HEATR4: variants seen among roughly 807,000 people sequenced by gnomAD.
HEATR4 encodes the protein HEAT repeat containing 4.
In HEATR4, 95 loss-of-function variants were observed where a neutral mutation model predicts 108.8. The observed-to-expected ratio is 0.87, with a 90% confidence interval of 0.74 to 1.04. HEATR4 has a LOEUF of 1.04. Ranked by LOEUF, HEATR4 falls within the 50% of genes least tolerant of loss-of-function variation. The pLI, the probability that HEATR4 is intolerant of heterozygous loss-of-function variation, is 0.00. For synonymous variants in HEATR4, 443 were observed against 459.4 expected (o/e 0.96, Z 0.46); for missense variants, 1,152 against 1,253.8 (o/e 0.92, Z 1.23).
At chr14:73,602,042 G>A in the HEATR4 span, among the ~76,000 whole-genome samples, 2 of 151,916 alleles carry the variant, frequency 1.3e-5, no homozygotes, top group East Asian at 1.9e-4. Context: ...CTGAGTTCAA[G>A]CGATTCTCCT....
chr14:73,496,763 AG>A (rs1886132218), intron 14 of HEATR4, 84 bp from the exon 15 acceptor site: 1 of 771,502 alleles, frequency 1.3e-6, no homozygotes, highest in Non-Finnish European at 2.2e-6. Context: ...ACTTGGAATC[AG>A]GTAAGAATCC....
chr14:73,543,007 T>C lies in HEATR4; in HGVS notation c.-151-12763A>G. Reference sequence around the variant, plus strand: ...GGCACAACTCACCATATTCCACTGTTTGTGGAGCCATTCTTCTTCTTTTTC... The same window carrying C: ...GGCACAACTCACCATATTCCACTGTCTGTGGAGCCATTCTTCTTCTTTTTC... On this transcript the variant is annotated intron_variant, in intron 1 of 17. Coordinates refer to ENST00000553558, the MANE Select transcript of HEATR4 (RefSeq NM_001220484.1). 1.6e-6 allele frequency: 2 copies of C among 1,242,926 alleles called. 1 individual carries two copies. The highest frequency in any genetic ancestry group is 2.1e-6 in the Non-Finnish European group (2 of 935,314). 77.0% of individuals were successfully genotyped at this position (1,242,926 alleles called of 1,614,324 possible).
the HEATR4 span, chr14:73,569,366 G>A: frequency 1.2e-6 from 2 of 1,613,968 alleles, no homozygotes; most frequent in East Asian, 2.2e-5. Flanking sequence ...AGAGTTCGGC[G>A]CAGTTCCTGG....
the HEATR4 span, among the ~76,000 whole-genome samples, chr14:73,614,921 AC>A: frequency 1.3e-5 from 2 of 150,446 alleles, no homozygotes; most frequent in Non-Finnish European, 3.0e-5. Flanking sequence ...ACATGGTGAA[AC>A]CCCGTCTCTA....
At chr14:73,524,309 AAATATAT>A (rs1164353824) in intron 2 of HEATR4, among the ~76,000 whole-genome samples, 25 of 99,738 alleles carry the variant, frequency 2.5e-4, no homozygotes, top group Non-Finnish European at 5.1e-4. Context: ...AAAAAAAAAA[AAATATAT>A]ATATATATAT....
At chr14:73,620,066 G>A in the HEATR4 span, among the ~76,000 whole-genome samples, 2 of 151,752 alleles carry the variant, frequency 1.3e-5, no homozygotes, top group South Asian at 2.1e-4. Context: ...TGCACACCAC[G>A]GCACCCAGCT....
chr14:73,580,561 G>A, the HEATR4 span: 3 of 152,084 alleles, frequency 2.0e-5, no homozygotes, highest in Non-Finnish European at 4.4e-5. Flanking sequence ...AGAGAGTTTG[G>A]AGTGCAGAAG....
chr14:73,612,829 C>T, the HEATR4 span: 1 of 1,424,914 alleles, frequency 7.0e-7, no homozygotes, highest in Non-Finnish European at 9.3e-7. Context: ...CGTTGGAGCC[C>T]GAGAAAGCCT....
At chr14:73,624,020 C>T in the HEATR4 span, among the ~76,000 whole-genome samples, 3 of 152,102 alleles carry the variant, frequency 2.0e-5, no homozygotes, top group African/African-American at 7.2e-5. Flanking sequence ...GGGCCAGTGG[C>T]TCATGCCTGT....
At chr14:73,599,301 T>G in the HEATR4 span, among the ~76,000 whole-genome samples, 2 of 152,172 alleles carry the variant, frequency 1.3e-5, no homozygotes, top group Non-Finnish European at 2.9e-5. Context: ...ATTGTTTTTG[T>G]TTTATGTGAC....
the HEATR4 span, among the ~76,000 whole-genome samples, chr14:73,597,478 G>A: frequency 2.6e-5 from 4 of 151,880 alleles, no homozygotes; most frequent in Non-Finnish European, 4.4e-5. Context: ...TCTGTCTCCC[G>A]GGTTCAAGTG....
the HEATR4 span, among the ~76,000 whole-genome samples, chr14:73,621,761 C>CTTTTTTTTTT: frequency 1.6e-4 from 18 of 109,540 alleles, no homozygotes; most frequent in African/African-American, 5.9e-4. Flanking sequence ...TTCTTTCTTT[C>CTTTTTTTTTT]TTTTTTTTTT....
At chr14:73,503,230 A>G (rs1302198315) in intron 10 of HEATR4, among the ~76,000 whole-genome samples, 1 of 152,188 alleles carries the variant, frequency 6.6e-6, no homozygotes, top group Non-Finnish European at 1.5e-5. Context: ...AGCTTGTCCA[A>G]GGTTAACCTG....
At chr14:73,574,067 C>T in the HEATR4 span, among the ~76,000 whole-genome samples, 29 of 151,096 alleles carry the variant, frequency 1.9e-4, no homozygotes, top group African/African-American at 6.1e-4. Context: ...GATGGGGTTT[C>T]GCCATGTTGG....
At chr14:73,580,170 A>AGGC in the HEATR4 span, among the ~76,000 whole-genome samples, 1 of 152,082 alleles carries the variant, frequency 6.6e-6, no homozygotes. Context: ...GGCTCTGGCC[A>AGGC]GGCTGGAGTG....
intron 12 of HEATR4, 81 bp from the exon 13 acceptor site, chr14:73,499,221 C>T: frequency 8.3e-7 from 1 of 1,203,468 alleles, no homozygotes; most frequent in Non-Finnish European, 1.2e-6. Flanking sequence ...TGGTGCACCC[C>T]TGTAATCCCA....
At position 73,532,848 on chromosome 14, in the gene HEATR4, T is replaced by G. The variant is rs1258302505; in HGVS notation, c.-151-2604A>C. On this transcript the variant is annotated intron_variant, in intron 1 of 17. Coordinates refer to ENST00000553558, the MANE Select transcript of HEATR4 (RefSeq NM_001220484.1). ...GTGGGCACCTGTAGTCCCAGCTACT[T>G]GGAGGCTGAGGCAGGAGAATGGCGT... Among the ~76,000 whole-genome samples, 2 of 112,474 alleles carry G rather than the reference T, an allele frequency of 1.8e-5. 1 individual carries two copies. Among genetic ancestry groups the G allele is most frequent in the Non-Finnish European group, 3.9e-5 (2 of 51,826 alleles). The allele number at this position is 112,474 out of a possible 152,430, so 73.8% of individuals were successfully genotyped here. A position where few individuals can be genotyped will look rare whatever the true frequency, so the allele number is the denominator to read the frequency against.
intron 17 of HEATR4, chr14:73,491,581 C>G (rs993527576): frequency 2.5e-5 from 38 of 1,544,024 alleles, no homozygotes; most frequent in Non-Finnish European, 3.1e-5. Flanking sequence ...TGCGGCGCGT[C>G]TTGGCCGAGC....
chr14:73,584,517 T>C, the HEATR4 span, among the ~76,000 whole-genome samples: 2 of 149,252 alleles, frequency 1.3e-5, no homozygotes, highest in Non-Finnish European at 3.0e-5. Context: ...CCTTGCTAGG[T>C]GCCCTGTGAT....
Sources: allele counts gnomAD v4.1 joint callset (sites outside exome capture counted in the v4.1 genomes callset), GRCh38; gene constraint gnomAD v4.1.1; transcripts MANE v1.5; gene names NCBI Gene and HGNC (gene_info 2026-07-23, HGNC 2026-07-21).